ADAM10: variants seen among roughly 807,000 people sequenced by gnomAD.
ADAM10 encodes the protein disintegrin and metalloproteinase domain-containing protein 10.
ADAM10 carries 17 observed loss-of-function variants against 90.1 expected under a neutral mutation model. The observed-to-expected ratio is 0.19, with a 90% CI of 0.13 to 0.28. The LOEUF is 0.28. Ranked by LOEUF, ADAM10 falls within the 10% of genes least tolerant of loss-of-function variation. The pLI is 1.00. For synonymous variants in ADAM10, 310 were observed against 298.6 expected, an observed-to-expected ratio of 1.04 and a Z score of -0.40; for missense variants, 610 against 914.3, an observed-to-expected ratio of 0.67 and a Z score of 4.29.
chr15:58,685,874 A>G (rs77439370), intron 2 of ADAM10, among the ~76,000 whole-genome samples: 2,317 of 152,282 alleles, frequency 0.015, 65 homozygotes, highest in African/African-American at 0.052. Context: ...CTTTGGACAG[A>G]TGAATCAATT....
rs1460034366 is a variant in ADAM10 at position 58,589,637 on chromosome 15, G to C, written c.*7910C>G. The C allele has an allele frequency of 6.6e-6, 1 of 152,252 alleles. No homozygotes were observed. The highest frequency in any genetic ancestry group is 2.4e-5 in the African/African-American group (1 of 41,456). The allele number at this position is 152,252 out of a possible 1,614,324, so 9.4% of individuals were successfully genotyped here. Reference sequence around the variant, plus strand: ...TGATAAGTGAATGGGAGCTGAAGTAGCCACTGAGTGTAAATGATTCTCTCG... The same window carrying C: ...TGATAAGTGAATGGGAGCTGAAGTACCCACTGAGTGTAAATGATTCTCTCG... On this transcript the variant is annotated 3_prime_UTR_variant, in exon 16 of 16. Coordinates refer to ENST00000260408, the MANE Select transcript of ADAM10 (RefSeq NM_001110.4).
chr15:58,691,295 C>T (rs1363761173), intron 2 of ADAM10: 1 of 1,254,212 alleles, frequency 8.0e-7, no homozygotes, highest in South Asian at 1.2e-5. Context: ...TGGTAACTGA[C>T]AGCAGGCTCT....
At chr15:58,684,555 C>A (rs1897534371) in intron 2 of ADAM10, among the ~76,000 whole-genome samples, 1 of 152,234 alleles carries the variant, frequency 6.6e-6, no homozygotes, top group Non-Finnish European at 1.5e-5. Flanking sequence ...GGGTTGAACA[C>A]ACTGAGTTGA....
chr15:58,622,990 C>A (rs1322362687), intron 10 of ADAM10, among the ~76,000 whole-genome samples: 2 of 152,142 alleles, frequency 1.3e-5, no homozygotes, highest in Non-Finnish European at 2.9e-5. Flanking sequence ...TCTTTTCTTT[C>A]TCCTACACCA....
At chr15:58,743,124 G>A (rs186757583) in intron 1 of ADAM10, among the ~76,000 whole-genome samples, 9 of 152,048 alleles carry the variant, frequency 5.9e-5, no homozygotes, top group Admixed American at 2.0e-4. Flanking sequence ...AGAGCTGCCC[G>A]TGTAAAAACC....
chr15:58,724,638 A>G (rs1428330658), intron 1 of ADAM10, among the ~76,000 whole-genome samples: 1 of 152,216 alleles, frequency 6.6e-6, no homozygotes, highest in Non-Finnish European at 1.5e-5. Context: ...GAAAGGAGGA[A>G]GCTGAACAGA....
At chr15:58,624,486 T>C (rs1279447374) in intron 10 of ADAM10, among the ~76,000 whole-genome samples, 3 of 152,216 alleles carry the variant, frequency 2.0e-5, no homozygotes, top group Non-Finnish European at 4.4e-5. Context: ...ATAAAATTAG[T>C]ACTTCAAGTT....
intron 1 of ADAM10, among the ~76,000 whole-genome samples, chr15:58,726,564 TC>T (rs762649004): frequency 0.019 from 489 of 25,916 alleles, 39 homozygotes; most frequent in East Asian, 0.049. Flanking sequence ...GACCTCAGTC[TC>T]CCAAAAAAAA....
chr15:58,644,075 C>T (rs540558456), intron 6 of ADAM10, 97 bp from the exon 7 acceptor site: 1 of 884,334 alleles, frequency 1.1e-6, no homozygotes, highest in African/African-American at 1.7e-5. Context: ...TCATGTCCTG[C>T]CACATTCAAA....
chr15:58,677,134 A>T (rs1897317640), intron 4 of ADAM10, among the ~76,000 whole-genome samples: 1 of 152,210 alleles, frequency 6.6e-6, no homozygotes, highest in African/African-American at 2.4e-5. Context: ...CAAACATTAA[A>T]AACTCTGTTT....
At position 58,712,825 on chromosome 15, in the gene ADAM10, C is replaced by CA. The variant is rs1471364594; in HGVS notation, c.206+4751dup. Among the ~76,000 whole-genome samples, 11 of 151,304 alleles carry CA rather than the reference C, an allele frequency of 7.3e-5. No homozygotes were observed. In the South Asian group the frequency reaches 1.5e-3, roughly 20 times the overall value. On this transcript the variant is annotated intron_variant, in intron 2 of 15. Coordinates refer to ENST00000260408, the MANE Select transcript of ADAM10 (RefSeq NM_001110.4). ...TGGGTGACACAGCGAGACTCCGCCTCAAAAAAAAGAACAAGACAGGAACGG... is the reference window on the plus strand; with the variant it reads ...TGGGTGACACAGCGAGACTCCGCCTCAAAAAAAAAGAACAAGACAGGAACGG...
chr15:58,700,094 T>G (rs1203323039), intron 2 of ADAM10, among the ~76,000 whole-genome samples: 1 of 152,158 alleles, frequency 6.6e-6, no homozygotes, highest in Admixed American at 6.5e-5. Context: ...CATTACGTAA[T>G]GCAAATATTA....
At chr15:58,707,988 G>C (rs1479745874) in intron 2 of ADAM10, among the ~76,000 whole-genome samples, 1 of 151,862 alleles carries the variant, frequency 6.6e-6, no homozygotes, top group Non-Finnish European at 1.5e-5. Context: ...GAGGCACAAG[G>C]ATCACTGGAA....
At chr15:58,604,482 T>C (rs748598620) in intron 14 of ADAM10, among the ~76,000 whole-genome samples, 43 of 152,226 alleles carry the variant, frequency 2.8e-4, no homozygotes, top group Non-Finnish European at 4.3e-4. Flanking sequence ...CTGGCCTGTC[T>C]TCTCTATCCC....
intron 15 of ADAM10, among the ~76,000 whole-genome samples, chr15:58,599,143 T>C (rs1895039691): frequency 8.6e-6 from 1 of 116,646 alleles, no homozygotes; most frequent in Admixed American, 1.4e-4. Context: ...GGCAACACAG[T>C]GAGAGAAAGA....
At chr15:58,661,451 A>G (rs1174666854) in intron 5 of ADAM10, among the ~76,000 whole-genome samples, 1 of 152,152 alleles carries the variant, frequency 6.6e-6, no homozygotes, top group Non-Finnish European at 1.5e-5. Context: ...TTTTCTGTCA[A>G]CACTTTGAAG....
chr15:58,673,386 G>A (rs796689463), intron 4 of ADAM10, among the ~76,000 whole-genome samples: 127 of 131,206 alleles, frequency 9.7e-4, no homozygotes, highest in African/African-American at 3.7e-3. Context: ...CTCTGTAATT[G>A]CCAAAAAAAA....
chr15:58,671,882 TCTC>T, intron 4 of ADAM10, among the ~76,000 whole-genome samples: 1 of 152,134 alleles, frequency 6.6e-6, no homozygotes, highest in East Asian at 1.9e-4. Flanking sequence ...GCCTTTAAAC[TCTC>T]CTAACTCAGA....
intron 4 of ADAM10, among the ~76,000 whole-genome samples, chr15:58,668,886 ATAACCTCCTTT>A (rs1404281505): frequency 6.6e-6 from 1 of 152,152 alleles, no homozygotes; most frequent in African/African-American, 2.4e-5. Context: ...GCTGGCTCCC[ATAACCTCCTTT>A]TAGCCTTCAT....
Sources: gnomAD v4.1 joint callset for allele counts (sites outside exome capture counted in the v4.1 genomes callset) on GRCh38, gnomAD v4.1.1 for gene constraint, MANE v1.5 for transcripts, NCBI Gene and HGNC (gene_info 2026-07-23, HGNC 2026-07-21) for gene names.